ADAMTS19: variants seen among roughly 807,000 people sequenced by gnomAD.
ADAMTS19 encodes ADAM metallopeptidase with thrombospondin type 1 motif 19, also known as A disintegrin and metalloproteinase with thrombospondin motifs 19.
Under a neutral mutation model 153.3 loss-of-function variants are expected in ADAMTS19, and 93 were observed. That is an observed-to-expected ratio of 0.61 (90% CI 0.51 to 0.72). ADAMTS19 has a LOEUF of 0.72. Ranked by LOEUF, ADAMTS19 falls within the 30% of genes least tolerant of loss-of-function variation. The pLI, the probability that ADAMTS19 is intolerant of heterozygous loss-of-function variation, is 0.00. For missense variants in ADAMTS19, 1,482 were observed against 1,552.1 expected, an observed-to-expected ratio of 0.95 and a Z score of 0.76; for synonymous variants, 600 against 556.6, an observed-to-expected ratio of 1.08 and a Z score of -1.10.
chr5:129,610,179 G>C (rs1023548835), intron 8 of ADAMTS19, among the ~76,000 whole-genome samples: 2 of 152,080 alleles, frequency 1.3e-5, no homozygotes, highest in Admixed American at 1.3e-4. Flanking sequence ...TATGTGAAGG[G>C]TGTAGAAGTT....
At chr5:129,612,123 C>T (rs958672313) in intron 8 of ADAMTS19, among the ~76,000 whole-genome samples, 1 of 114,440 alleles carries the variant, frequency 8.7e-6, no homozygotes, top group Non-Finnish European at 1.8e-5. Flanking sequence ...TCCCTCCCCC[C>T]TACCCCCACC....
At chr5:129,550,023 T>C (rs1371097704) in intron 6 of ADAMTS19, among the ~76,000 whole-genome samples, 1 of 129,316 alleles carries the variant, frequency 7.7e-6, no homozygotes, top group Non-Finnish European at 1.7e-5. Context: ...CATGTATATG[T>C]ATATCTAGAT....
At chr5:129,639,146 G>A (rs1173719077) in intron 10 of ADAMTS19, among the ~76,000 whole-genome samples, 2 of 152,100 alleles carry the variant, frequency 1.3e-5, no homozygotes, top group Non-Finnish European at 2.9e-5. Flanking sequence ...CCTATTAAGT[G>A]GTTTCAGCAA....
At chr5:129,486,141 C>T (rs1189619259) in intron 2 of ADAMTS19, among the ~76,000 whole-genome samples, 1 of 152,040 alleles carries the variant, frequency 6.6e-6, no homozygotes, top group Non-Finnish European at 1.5e-5. Flanking sequence ...ATTCCAGACC[C>T]AAATGACTTC....
intron 21 of ADAMTS19, among the ~76,000 whole-genome samples, chr5:129,716,972 T>C (rs926155294): frequency 6.6e-6 from 1 of 152,162 alleles, no homozygotes. Flanking sequence ...GCCTGAGCAG[T>C]TTTTACTTCT....
At chr5:129,483,036 G>T (rs1750468465) in intron 2 of ADAMTS19, among the ~76,000 whole-genome samples, 1 of 152,016 alleles carries the variant, frequency 6.6e-6, no homozygotes, top group African/African-American at 2.4e-5. Flanking sequence ...TTATTGACTT[G>T]TAAGAGATCT....
chr5:129,687,797 CA>C (rs1755159400), intron 18 of ADAMTS19, among the ~76,000 whole-genome samples: 2 of 152,264 alleles, frequency 1.3e-5, no homozygotes, highest in East Asian at 3.9e-4. Flanking sequence ...CCACAAAATA[CA>C]GCATGTCTTC....
Position 129,701,456 on chromosome 5 carries a change from C to A in ADAMTS19, c.3023C>A (p.Ala1008Asp). 6.2e-7 allele frequency: 1 copy of A among 1,614,190 alleles called. No individual in the cohort carries two copies. Residue 1008 changes from alanine to aspartate, a missense_variant, in exon 20 of 23, where the codon GCC becomes GAC. Physicochemically the swap from Ala to Asp is moderately radical, Grantham distance 126. This residue lies in a region of ADAMTS19 where 616 missense variants were observed against 724.4 expected (regional missense o/e 0.85). Coordinates refer to ENST00000274487, the MANE Select transcript of ADAMTS19 (RefSeq NM_133638.6). ...CGKGMQSRQV[A>D]CTQQLSNGTL... is the part of the protein sequence containing the mutation. ...AAAGGAATGCAGAGCAGACAAGTGG[C>A]CTGTACCCAACAACTGAGCAATGGA...
At chr5:129,574,155 A>T (rs1406556924) in intron 7 of ADAMTS19, among the ~76,000 whole-genome samples, 1 of 152,122 alleles carries the variant, frequency 6.6e-6, no homozygotes, top group Non-Finnish European at 1.5e-5. Context: ...TTTAATGGTT[A>T]TCATATTTTA....
rs142545724 is a variant in ADAMTS19 at position 129,574,464 on chromosome 5, T to C, written c.1373-22095T>C. Among the ~76,000 whole-genome samples, 179 of 152,058 alleles carry C rather than the reference T, an allele frequency of 1.2e-3. 1 individual carries two copies. Among genetic ancestry groups the C allele is most frequent in the African/African-American group, 4.1e-3 (171 of 41,512 alleles). On this transcript the variant is annotated intron_variant, in intron 7 of 22. Transcript: ENST00000274487. ...CAGGCCTTGGTGTGTGTTGTTCCCC[T>C]CTCTGTGTCAATGTGTTCTCATTGT...
In ADAMTS19 at chr5:129,507,683, T is replaced by C. The variant is rs1312053984; in HGVS notation, c.748-1394T>C. On this transcript the variant is annotated intron_variant, in intron 2 of 22. Coordinates refer to ENST00000274487, the MANE Select transcript of ADAMTS19 (RefSeq NM_133638.6). ...GTACGTGTGTGTGTGTGTGTGTGTGTGCGAGAGCCAGAGTGAGATCTAGAG... is the reference window on the plus strand; with the variant it reads ...GTACGTGTGTGTGTGTGTGTGTGTGCGCGAGAGCCAGAGTGAGATCTAGAG... 6.4e-4 allele frequency among the ~76,000 whole-genome samples: 96 copies of C among 150,742 alleles called. 2 individuals are homozygous for C. The highest frequency in any genetic ancestry group is 6.2e-3 in the Admixed American group (94 of 15,048).
intron 21 of ADAMTS19, among the ~76,000 whole-genome samples, chr5:129,732,599 C>T (rs538844629): frequency 2.6e-5 from 4 of 152,074 alleles, no homozygotes; most frequent in African/African-American, 4.8e-5. Context: ...CTTAGGAATA[C>T]GTTTAACTAA....
At chr5:129,701,880 C>G (rs1261340811) in intron 20 of ADAMTS19, among the ~76,000 whole-genome samples, 1 of 152,100 alleles carries the variant, frequency 6.6e-6, no homozygotes, top group African/African-American at 2.4e-5. Context: ...TGAGTTGGCA[C>G]ACATTAAAAT....
chr5:129,670,310 G>T (rs1259676527), intron 16 of ADAMTS19, among the ~76,000 whole-genome samples: 1 of 152,078 alleles, frequency 6.6e-6, no homozygotes, highest in Non-Finnish European at 1.5e-5. Flanking sequence ...TCAAAGTCTG[G>T]CACACAGGAA....
chr5:129,647,749 A>T lies in ADAMTS19; in HGVS notation c.1873-16A>T. The T allele has an allele frequency of 6.2e-7, 1 of 1,612,726 alleles. No individual in the cohort carries two copies. The highest frequency in any genetic ancestry group is 8.5e-7 in the Non-Finnish European group (1 of 1,179,034). On this transcript the variant is annotated splice_polypyrimidine_tract_variant and intron_variant, in intron 11 of 22. Transcript: ENST00000274487. ...GTGCCCTGATTTGTTCACCTAAGACATAACTTTTGGAATAGTGGTGTAAGG... is the reference window on the plus strand; with the variant it reads ...GTGCCCTGATTTGTTCACCTAAGACTTAACTTTTGGAATAGTGGTGTAAGG...
At position 129,527,702 on chromosome 5, in the gene ADAMTS19, T is replaced by C. The variant is rs758580567; in HGVS notation, c.1087-46T>C. ...GTATGGGCCTTGAGAAAAATTAAGA[T>C]GATTTTCAGTTTAATTTTAGGATTT... On this transcript the variant is annotated intron_variant, in intron 4 of 22. Transcript: ENST00000274487. The C allele has an allele frequency of 1.9e-5, 22 of 1,163,530 alleles. No individual in the cohort carries two copies. The South Asian group carries it at 2.4e-4, about 13-fold the overall frequency. The allele number at this position is 1,163,530 out of a possible 1,614,324, so 72.1% of individuals were successfully genotyped here. A position where few individuals can be genotyped will look rare whatever the true frequency, so the allele number is the denominator to read the frequency against.
In ADAMTS19 at chr5:129,702,929, CAAA is replaced by C. The variant is rs376208133; in HGVS notation, c.3160-1299_3160-1297del. ...ATGAATCAGGCATAGTTTGACTTGC[CAAA>C]AAAAAAAAAATATATATATATATAT... On this transcript the variant is annotated intron_variant, in intron 20 of 22. Coordinates refer to ENST00000274487, the MANE Select transcript of ADAMTS19 (RefSeq NM_133638.6). Among the ~76,000 whole-genome samples, 44 of 44,266 alleles carry C rather than the reference CAAA, an allele frequency of 9.9e-4. 1 individual carries two copies. Among genetic ancestry groups the C allele is most frequent in the African/African-American group, 3.9e-3 (42 of 10,694 alleles). The allele number at this position is 44,266 out of a possible 152,430, so 29.0% of individuals were successfully genotyped here. A position where few individuals can be genotyped will look rare whatever the true frequency, so the allele number is the denominator to read the frequency against.
chr5:129,606,427 T>C (rs954132449), intron 8 of ADAMTS19, among the ~76,000 whole-genome samples: 2 of 152,240 alleles, frequency 1.3e-5, no homozygotes, highest in Admixed American at 6.5e-5. Context: ...ATTCTATTCA[T>C]TCTTCGTCCG....
intron 2 of ADAMTS19, among the ~76,000 whole-genome samples, chr5:129,492,654 A>C (rs1750807192): frequency 6.6e-6 from 1 of 152,126 alleles, no homozygotes; most frequent in Non-Finnish European, 1.5e-5. Flanking sequence ...ACCTATAATC[A>C]CTATTTGAAT....
Sources: gnomAD v4.1 joint callset for allele counts (sites outside exome capture counted in the v4.1 genomes callset) on GRCh38, gnomAD v4.1.1 for gene constraint, gnomAD v4.1.1 regional missense constraint, MANE v1.5 for transcripts, NCBI Gene and HGNC (gene_info 2026-07-23, HGNC 2026-07-21) for gene names.